The following INKA2 variants were observed in gnomAD, a reference collection of about 807,000 sequenced individuals.
INKA2 encodes the protein PAK4-inhibitor INKA2.
INKA2 carries 3 observed loss-of-function variants against 9.8 expected under a neutral mutation model. The ratio of observed to expected loss-of-function variants is 0.31; its 90% CI spans 0.14 to 0.79. The LOEUF is 0.79. Among genes scored for constraint, INKA2 ranks in the 30% least tolerant of loss-of-function variants. INKA2 has a pLI of 0.62. For missense variants in INKA2, 392 were observed against 384.4 expected, an observed-to-expected ratio of 1.02 and a Z score of -0.17; for synonymous variants, 147 against 143.3, an observed-to-expected ratio of 1.03 and a Z score of -0.18.
chr1:111,741,538 G>C (rs1013903825), upstream of INKA2, among the ~76,000 whole-genome samples: 13 of 152,192 alleles, frequency 8.5e-5, no homozygotes, highest in African/African-American at 3.1e-4. Flanking sequence ...CTATGGGACT[G>C]GGATAGAAAG....
In INKA2 at chr1:111,755,266, TC is replaced by T. The variant is rs1257040908; in HGVS notation, n.124+434del. The T allele has an allele frequency of 2.8e-5, 5 of 180,406 alleles. No homozygotes were observed. In the East Asian group the frequency reaches 6.3e-4, roughly 23 times the overall value. 11.2% of individuals were successfully genotyped at this position (180,406 alleles called of 1,614,324 possible). A position where few individuals can be genotyped will look rare whatever the true frequency, so the allele number is the denominator to read the frequency against. ...CGAACTTGGGAGCTGTTAGTCCAGT[TC>T]CAGGTTCCAATTCAACGTACTTTTA... On this transcript the variant is annotated intron_variant and non_coding_transcript_variant, in intron 1 of 1. Coordinates refer to the INKA2 transcript ENST00000444059.
Position 111,726,339 on chromosome 1 carries a change from T to C in INKA2, c.*629A>G. The C allele has an allele frequency of 2.9e-6, 1 of 348,860 alleles. No individual in the cohort carries two copies. Among genetic ancestry groups the C allele is most frequent in the Non-Finnish European group, 5.1e-6 (1 of 195,528 alleles). The allele number at this position is 348,860 out of a possible 1,614,324, so 21.6% of individuals were successfully genotyped here. A position where few individuals can be genotyped will look rare whatever the true frequency, so the allele number is the denominator to read the frequency against. ...TTCCCTGGCTGCTCCTTACACACTG[T>C]ACTCCTTATTCAGCTCATTTTCTCA... On this transcript the variant is annotated 3_prime_UTR_variant, in exon 2 of 2. Transcript: ENST00000357260.
At chr1:111,737,043 GA>G (rs1461168659) in intron 1 of INKA2, among the ~76,000 whole-genome samples, 2 of 152,158 alleles carry the variant, frequency 1.3e-5, no homozygotes, top group African/African-American at 2.4e-5. Flanking sequence ...TGGCATTGGG[GA>G]GGGGGTGGAG....
intron 1 of INKA2, among the ~76,000 whole-genome samples, chr1:111,749,350 G>C (rs568539984): frequency 6.6e-6 from 1 of 152,300 alleles, no homozygotes; most frequent in South Asian, 2.1e-4. Context: ...AGTGACAAGA[G>C]GAGATGCCAC....
chr1:111,739,162 C>A (rs769059368), intron 1 of INKA2, 24 bp downstream of exon 1: 1 of 1,610,910 alleles, frequency 6.2e-7, no homozygotes, highest in African/African-American at 1.3e-5. Flanking sequence ...GCCCTCCCTG[C>A]CCCGGCGCCA....
Position 111,723,205 on chromosome 1 carries a change from G to T in INKA2, c.*3763C>A. On this transcript the variant is annotated 3_prime_UTR_variant, in exon 2 of 2. Coordinates refer to ENST00000357260, the MANE Select transcript of INKA2 (RefSeq NM_019099.5). The stretch of plus-strand genomic sequence containing the variant: ...CTCTTGTCCAGACCACGTAGGAAAC[G>T]ATGGTGTGACTTGGGAAAGATGGAG... The T allele has an allele frequency of 1.6e-6, 1 of 610,904 alleles. No homozygotes were observed. The highest frequency in any genetic ancestry group is 1.9e-5 in the South Asian group (1 of 53,456). The allele number at this position is 610,904 out of a possible 1,614,324, so 37.8% of individuals were successfully genotyped here.
upstream of INKA2, among the ~76,000 whole-genome samples, chr1:111,743,878 G>A (rs1663202679): frequency 1.3e-5 from 2 of 152,338 alleles, no homozygotes; most frequent in Non-Finnish European, 2.9e-5. Context: ...CCCACCACAT[G>A]CTGCCTGATC....
At position 111,725,179 on chromosome 1, in the gene INKA2, AC is replaced by A. The variant is rs1282034716; in HGVS notation, c.*1788del. On this transcript the variant is annotated 3_prime_UTR_variant, in exon 2 of 2. Transcript: ENST00000357260. ...GAAGCAAGCAGAAGAGCCTTTTCTT[AC>A]TATTTTGCCTCTCCAACTGGCTATT... 2 of 152,060 alleles carry A rather than the reference AC, an allele frequency of 1.3e-5. No homozygotes were observed. Among genetic ancestry groups the A allele is most frequent in the Admixed American group, 6.5e-5 (1 of 15,268 alleles). The allele number at this position is 152,060 out of a possible 1,614,324, so 9.4% of individuals were successfully genotyped here.
At chr1:111,744,098 C>T (rs1224605445), upstream of INKA2, among the ~76,000 whole-genome samples, 2 of 152,184 alleles carry the variant, frequency 1.3e-5, no homozygotes, top group African/African-American at 4.8e-5. Flanking sequence ...TTGAAAGCAT[C>T]CAACTCCTAG....
upstream of INKA2, among the ~76,000 whole-genome samples, chr1:111,741,814 C>G (rs2101382988): frequency 1.3e-5 from 2 of 152,318 alleles, no homozygotes; most frequent in South Asian, 4.1e-4. Context: ...CTCCCAGGTT[C>G]AAGCGATTTT....
intron 1 of INKA2, among the ~76,000 whole-genome samples, chr1:111,733,723 C>T (rs1408381265): frequency 6.6e-6 from 1 of 152,218 alleles, no homozygotes; most frequent in Non-Finnish European, 1.5e-5. Context: ...CCCCCTGGGC[C>T]CTCTTGGGGC....
rs1355463331 is a variant in INKA2, at chr1:111,739,249, A to T, written c.-7T>A. 3 of 1,613,468 alleles carry T rather than the reference A, an allele frequency of 1.9e-6. No individual in the cohort carries two copies. Among genetic ancestry groups the T allele is most frequent in the Middle Eastern group, 1.7e-4 (1 of 6,042 alleles). On this transcript the variant is annotated 5_prime_UTR_variant, in exon 1 of 2. The change abolishes an upstream ATG in the 5' untranslated region. Coordinates refer to ENST00000357260, the MANE Select transcript of INKA2 (RefSeq NM_019099.5). ...CCCTGCTCTCCATCGTCATGCGCCC[A>T]TTTGTCGGGTTCGGTTCAAACAGAG...
Position 111,727,400 on chromosome 1 carries a change from AG to A in INKA2, c.461del (p.Pro154LeufsTer4), listed in dbSNP as rs1234744873. ...TLMSRGRNRQPLVLGDNVFAD... is the reference protein window; with the variant it reads ...TLMSRGRNRQXLVLGDNVFAD... ...CAAAAACGTTGTCCCCTAACACCAG[AG>A]GCTGTCGATTCCGGCCCCGGGACAT... On this transcript the variant is annotated frameshift_variant, in exon 2 of 2. Coordinates refer to ENST00000357260, the MANE Select transcript of INKA2 (RefSeq NM_019099.5). LOFTEE classifies it high-confidence loss of function. The A allele has an allele frequency of 2.5e-6, 4 of 1,613,884 alleles. No individual in the cohort carries two copies. The East Asian group carries it at 6.7e-5, about 27-fold the overall frequency.
chr1:111,745,231 T>TATACACACACACACACAC (rs1356034280), intron 1 of INKA2: 2 of 112,722 alleles, frequency 1.8e-5, no homozygotes, highest in African/African-American at 7.3e-5. Flanking sequence ...CAAGCAAATA[T>TATACACACACACACACAC]ACACACACAC....
upstream of INKA2, among the ~76,000 whole-genome samples, chr1:111,740,600 C>T (rs189078620): frequency 5.8e-3 from 884 of 151,982 alleles, 7 homozygotes; most frequent in African/African-American, 0.02. Context: ...AGTGGGACAA[C>T]TGTAAGAACA....
upstream of INKA2, chr1:111,739,551 A>G (rs550694881): frequency 6.6e-3 from 4,643 of 701,942 alleles, 30 homozygotes; most frequent in Non-Finnish European, 8.7e-3. Flanking sequence ...CAGTGTTTGC[A>G]CAGGACCCGG....
intron 1 of INKA2, among the ~76,000 whole-genome samples, chr1:111,751,436 T>C (rs1663410235): frequency 6.6e-6 from 1 of 152,246 alleles, no homozygotes; most frequent in African/African-American, 2.4e-5. Context: ...GCTTGATCAT[T>C]TCCCCAGCTG....
At chr1:111,734,284 G>C (rs185686400) in intron 1 of INKA2, among the ~76,000 whole-genome samples, 4 of 152,176 alleles carry the variant, frequency 2.6e-5, no homozygotes, top group Non-Finnish European at 2.9e-5. Flanking sequence ...GCCTCTTCCC[G>C]GAGATTGCCT....
rs1350542352 is a variant in INKA2, at chr1:111,739,255, C to G, written c.-13G>C. ...TCTCCATCGTCATGCGCCCATTTGT[C>G]GGGTTCGGTTCAAACAGAGAGGGCC... is the stretch of plus-strand genomic sequence containing the variant. On this transcript the variant is annotated 5_prime_UTR_variant, in exon 1 of 2. Transcript: ENST00000357260. The G allele has an allele frequency of 6.2e-7, 1 of 1,613,660 alleles. No individual in the cohort carries two copies. Among genetic ancestry groups the G allele is most frequent in the Non-Finnish European group, 8.5e-7 (1 of 1,179,738 alleles).
Sources: gnomAD v4.1 joint callset for allele counts (sites outside exome capture counted in the v4.1 genomes callset) on GRCh38, gnomAD v4.1.1 for gene constraint, MANE v1.5 for transcripts, NCBI Gene and HGNC (gene_info 2026-07-23, HGNC 2026-07-21) for gene names.